Variants in SORCS1 observed in about 807,000 individuals in gnomAD.
The protein encoded by SORCS1 is sortilin related VPS10 domain containing receptor 1.
In SORCS1, 60 loss-of-function variants were observed where a neutral mutation model predicts 146.1. The observed-to-expected ratio is 0.41, with a 90% CI of 0.33 to 0.51. SORCS1 has a LOEUF of 0.51. Ranked by LOEUF, SORCS1 falls within the 20% of genes least tolerant of loss-of-function variation. The probability of loss-of-function intolerance (pLI) is 0.21; values close to 1 mark genes in which losing one functional copy is unlikely to be tolerated. For synonymous variants in SORCS1, 637 were observed against 584.0 expected (o/e 1.09, Z -1.31); for missense variants, 1,352 against 1,487.6 (o/e 0.91, Z 1.50).
intron 1 of SORCS1, among the ~76,000 whole-genome samples, chr10:107,100,307 A>C (rs1964826615): frequency 6.6e-6 from 1 of 152,078 alleles, no homozygotes; most frequent in Non-Finnish European, 1.5e-5. Context: ...AGGTCAGGAG[A>C]TCCAGACCAT....
At chr10:106,694,563 T>C (rs1012778575) in intron 9 of SORCS1, among the ~76,000 whole-genome samples, 4 of 152,184 alleles carry the variant, frequency 2.6e-5, no homozygotes, top group Non-Finnish European at 5.9e-5. Context: ...ACATTCAATA[T>C]CCTGTAATAA....
At chr10:106,931,217 G>A (rs980851642) in intron 2 of SORCS1, among the ~76,000 whole-genome samples, 5 of 152,134 alleles carry the variant, frequency 3.3e-5, no homozygotes, top group Non-Finnish European at 7.4e-5. Context: ...CCTATGTAGC[G>A]AGCTCCAGAA....
At chr10:106,806,665 G>A (rs371995449) in intron 3 of SORCS1, among the ~76,000 whole-genome samples, 148 of 151,098 alleles carry the variant, frequency 9.8e-4, no homozygotes, top group African/African-American at 3.3e-3. Flanking sequence ...ACAGGTGCCC[G>A]CCACCTCGCC....
chr10:106,612,752 C>G (rs904649331), intron 21 of SORCS1, among the ~76,000 whole-genome samples: 1 of 152,060 alleles, frequency 6.6e-6, no homozygotes, highest in Admixed American at 6.6e-5. Flanking sequence ...TAAACCAAAC[C>G]CCTAACTTTG....
At chr10:106,957,178 T>A (rs893699096) in intron 1 of SORCS1, among the ~76,000 whole-genome samples, 9 of 110,198 alleles carry the variant, frequency 8.2e-5, no homozygotes, top group Admixed American at 7.8e-4. Flanking sequence ...TTTTTTGTTT[T>A]TTTTTTTGGA....
At position 106,888,995 on chromosome 10, in the gene SORCS1, C is replaced by T. The variant is rs115132392; in HGVS notation, c.627-59322G>A. 6.5e-3 allele frequency among the ~76,000 whole-genome samples: 995 copies of T among 152,228 alleles called. 13 individuals carry two copies. The highest frequency in any genetic ancestry group is 0.022 in the African/African-American group (934 of 41,550). On this transcript the variant is annotated intron_variant, in intron 2 of 25. Transcript: ENST00000263054. ...CTACTGGGAATAAAGATGTGAAAAA[C>T]ATCAAGGTCATTCCAATAAACGCTT...
At chr10:106,917,061 T>G (rs950126364) in intron 2 of SORCS1, among the ~76,000 whole-genome samples, 2 of 152,192 alleles carry the variant, frequency 1.3e-5, no homozygotes, top group African/African-American at 4.8e-5. Flanking sequence ...AATTTTTCTT[T>G]TTTATCCTGT....
intron 1 of SORCS1, among the ~76,000 whole-genome samples, chr10:107,138,858 C>T (rs915284814): frequency 1.3e-5 from 2 of 152,168 alleles, no homozygotes; most frequent in East Asian, 1.9e-4. Flanking sequence ...CAGACTGACC[C>T]CCACGAGCAG....
chr10:106,987,178 A>G (rs138603942), intron 1 of SORCS1, among the ~76,000 whole-genome samples: 1 of 152,174 alleles, frequency 6.6e-6, no homozygotes, highest in African/African-American at 2.4e-5. Context: ...TCTTTGGATG[A>G]GACTCTTTGG....
At chr10:106,692,499 G>A (rs1289695690) in intron 9 of SORCS1, among the ~76,000 whole-genome samples, 1 of 152,224 alleles carries the variant, frequency 6.6e-6, no homozygotes, top group Non-Finnish European at 1.5e-5. Flanking sequence ...TGGTTGTGGA[G>A]CTTCTGTACT....
chr10:106,742,867 C>T (rs375944277), intron 5 of SORCS1, among the ~76,000 whole-genome samples: 20 of 152,154 alleles, frequency 1.3e-4, no homozygotes, highest in African/African-American at 4.3e-4. Context: ...ACTACCTGTA[C>T]TTTGTTTGTT....
chr10:106,833,915 T>A (rs960898312), intron 2 of SORCS1, among the ~76,000 whole-genome samples: 5 of 152,196 alleles, frequency 3.3e-5, no homozygotes, highest in Non-Finnish European at 5.9e-5. Context: ...TGCCTCAGCA[T>A]CCCGAGTAGC....
chr10:106,966,914 A>T (rs550834642), intron 1 of SORCS1, among the ~76,000 whole-genome samples: 1 of 152,300 alleles, frequency 6.6e-6, no homozygotes, highest in East Asian at 1.9e-4. Context: ...AAATAAAAAT[A>T]AAAAATAAGC....
At chr10:106,900,758 C>T (rs1951667934) in intron 2 of SORCS1, among the ~76,000 whole-genome samples, 2 of 152,148 alleles carry the variant, frequency 1.3e-5, no homozygotes, top group South Asian at 4.1e-4. Context: ...TCTGGTTGAA[C>T]TCGACTAAGA....
chr10:107,142,999 AACAG>A lies in SORCS1; in HGVS notation c.558+20966_558+20969del, dbSNP rs796651239. ...AGAAGCAAAGGATGAAGTAGTATATAACAGACAAAGGATATCACATCACTCTTGA... is the reference window on the plus strand; with the variant it reads ...AGAAGCAAAGGATGAAGTAGTATATAACAAAGGATATCACATCACTCTTGA... On this transcript the variant is annotated intron_variant, in intron 1 of 25. Coordinates refer to ENST00000263054, the MANE Select transcript of SORCS1 (RefSeq NM_052918.5). Among the ~76,000 whole-genome samples the A allele has an allele frequency of 6.6e-5, 10 of 152,352 alleles. No individual in the cohort carries two copies. The South Asian group carries it at 2.1e-3, about 32-fold the overall frequency.
intron 3 of SORCS1, among the ~76,000 whole-genome samples, chr10:106,787,514 C>T (rs1946109747): frequency 6.6e-6 from 1 of 152,142 alleles, no homozygotes; most frequent in Admixed American, 6.6e-5. Context: ...TCAATTCCTG[C>T]TGCTGCTATG....
intron 24 of SORCS1, 140 bp from the exon 25 acceptor site, chr10:106,579,614 A>T: frequency 1.3e-6 from 1 of 795,200 alleles, no homozygotes. Flanking sequence ...TGCATGTCAC[A>T]TGGCTGACAT....
chr10:106,652,637 G>T (rs1849960951), intron 17 of SORCS1, 84 bp from the exon 18 acceptor site: 2 of 1,485,810 alleles, frequency 1.3e-6, no homozygotes, highest in Non-Finnish European at 1.8e-6. Context: ...ATAGTGCCTA[G>T]CCCTGAGGAC....
At chr10:106,706,433 T>C in intron 8 of SORCS1, 112 bp downstream of exon 8, 2 of 1,006,010 alleles carry the variant, frequency 2.0e-6, no homozygotes, top group Non-Finnish European at 3.1e-6. Flanking sequence ...AGATGAGAGA[T>C]GTAAAGAAAA....
Sources: allele counts gnomAD v4.1 joint callset (sites outside exome capture counted in the v4.1 genomes callset), GRCh38; gene constraint gnomAD v4.1.1; transcripts MANE v1.5; gene names NCBI Gene and HGNC (gene_info 2026-07-23, HGNC 2026-07-21).